LRRK1: variants seen among roughly 807,000 people sequenced by gnomAD.
The protein encoded by LRRK1 is leucine rich repeat kinase 1, also known as leucine-rich repeat serine/threonine-protein kinase 1.
LRRK1 carries 113 observed loss-of-function variants against 209.1 expected under a neutral mutation model. That is an observed-to-expected ratio of 0.54 (90% CI 0.46 to 0.63). LRRK1 has a LOEUF of 0.63. Ranked by LOEUF, LRRK1 falls within the 30% of genes least tolerant of loss-of-function variation. The pLI is 0.00. For missense variants in LRRK1, 2,284 were observed against 2,632.2 expected (o/e 0.87, Z 2.89); for synonymous variants, 1,144 against 1,099.7 (o/e 1.04, Z -0.80).
At chr15:100,946,060 C>T (rs972326290) in intron 2 of LRRK1, among the ~76,000 whole-genome samples, 5 of 152,036 alleles carry the variant, frequency 3.3e-5, no homozygotes, top group African/African-American at 9.7e-5. Flanking sequence ...TATATCAGGC[C>T]TACCTAAGAA....
chr15:100,987,034 T>C (rs2031913238), intron 4 of LRRK1, among the ~76,000 whole-genome samples: 1 of 152,226 alleles, frequency 6.6e-6, no homozygotes, highest in South Asian at 2.1e-4. Flanking sequence ...GTTACTGTGT[T>C]TCTCTTACCC....
chr15:100,956,490 C>A (rs113182050), intron 2 of LRRK1, among the ~76,000 whole-genome samples: 1,737 of 45,950 alleles, frequency 0.038, 51 homozygotes, highest in African/African-American at 0.24. Context: ...GAATCTCACT[C>A]TGTCACCCCC....
intron 20 of LRRK1, among the ~76,000 whole-genome samples, chr15:101,031,052 C>T (rs1319044562): frequency 2.6e-5 from 4 of 152,160 alleles, no homozygotes; most frequent in Admixed American, 1.3e-4. Context: ...AATAGTCTCC[C>T]GTCTCCTCCA....
intron 1 of LRRK1, among the ~76,000 whole-genome samples, chr15:100,922,154 T>A (rs1465979841): frequency 6.6e-6 from 1 of 152,184 alleles, no homozygotes; most frequent in Non-Finnish European, 1.5e-5. Flanking sequence ...CTCTTTAGGG[T>A]GTATAATGAA....
At chr15:100,969,681 T>C (rs1309951675) in intron 2 of LRRK1, among the ~76,000 whole-genome samples, 1 of 152,104 alleles carries the variant, frequency 6.6e-6, no homozygotes, top group Non-Finnish European at 1.5e-5. Context: ...CAGTGTGTGT[T>C]GTTCCCCTCT....
intron 2 of LRRK1, among the ~76,000 whole-genome samples, chr15:100,963,471 G>A (rs1328054250): frequency 6.6e-6 from 1 of 152,124 alleles, no homozygotes; most frequent in Non-Finnish European, 1.5e-5. Flanking sequence ...CCTTCCTAGC[G>A]CTGCTGTAGA....
At chr15:101,014,697 C>T (rs1251685970) in intron 11 of LRRK1, among the ~76,000 whole-genome samples, 1 of 152,206 alleles carries the variant, frequency 6.6e-6, no homozygotes, top group Non-Finnish European at 1.5e-5. Flanking sequence ...GGCCTCTGTT[C>T]ACGTCTGTGA....
At position 101,051,627 on chromosome 15, in the gene LRRK1, A is replaced by G. The variant is rs543182268; in HGVS notation, c.3440-84A>G. 1.4e-5 allele frequency: 22 copies of G among 1,527,484 alleles called. No individual in the cohort carries two copies. In the East Asian group the frequency reaches 4.1e-4, roughly 29 times the overall value. The allele number at this position is 1,527,484 out of a possible 1,614,324, so 94.6% of individuals were successfully genotyped here. ...GCAGCTCCCCTGCTGCGAAGGCCTC[A>G]GGGCCTGGGGTGCAGAGTGCTGCTC... On this transcript the variant is annotated intron_variant, in intron 23 of 33. Coordinates refer to ENST00000388948, the MANE Select transcript of LRRK1 (RefSeq NM_024652.6).
At chr15:101,010,903 C>T in intron 9 of LRRK1, 66 bp downstream of exon 9, 1 of 1,429,204 alleles carries the variant, frequency 7.0e-7, no homozygotes. Flanking sequence ...CCTCAGAGAG[C>T]CCTCAGGTGC....
chr15:100,962,671 G>T (rs1310229694), intron 2 of LRRK1, among the ~76,000 whole-genome samples: 2 of 149,666 alleles, frequency 1.3e-5, no homozygotes, highest in Non-Finnish European at 3.0e-5. Context: ...TCAGGTTCAG[G>T]TTTTACAAAC....
chr15:101,025,935 A>G (rs1300784298), intron 16 of LRRK1, 30 bp from the exon 17 acceptor site: 1 of 1,612,330 alleles, frequency 6.2e-7, no homozygotes, highest in African/African-American at 1.3e-5. Flanking sequence ...GAACAGAGAC[A>G]GTACTCAGCC....
chr15:100,927,284 A>G (rs1268362110), intron 2 of LRRK1, among the ~76,000 whole-genome samples: 1 of 152,204 alleles, frequency 6.6e-6, no homozygotes, highest in African/African-American at 2.4e-5. Context: ...ACAGATAACC[A>G]GAAAATGTTA....
At chr15:100,987,887 G>C (rs532695550) in intron 4 of LRRK1, among the ~76,000 whole-genome samples, 1 of 152,180 alleles carries the variant, frequency 6.6e-6, no homozygotes, top group African/African-American at 2.4e-5. Context: ...GCAGGGGAGA[G>C]CCCAGAGAAA....
At chr15:100,968,914 T>C (rs146872253) in intron 2 of LRRK1, among the ~76,000 whole-genome samples, 1 of 151,814 alleles carries the variant, frequency 6.6e-6, no homozygotes, top group Non-Finnish European at 1.5e-5. Flanking sequence ...TCACAGCTCA[T>C]TGAAGCCTTG....
chr15:100,959,402 G>C (rs146530397), intron 2 of LRRK1, among the ~76,000 whole-genome samples: 1 of 152,194 alleles, frequency 6.6e-6, no homozygotes, highest in Admixed American at 6.5e-5. Context: ...GTCAGACCAC[G>C]TGCAGGCGGA....
At chr15:100,988,603 A>G in intron 4 of LRRK1, 31 bp from the exon 5 acceptor site, 2 of 1,611,788 alleles carry the variant, frequency 1.2e-6, no homozygotes, top group African/African-American at 1.3e-5. Context: ...CTTCAGTGGC[A>G]CTTTCCCTTT....
At chr15:100,941,334 C>A (rs1355639203) in intron 2 of LRRK1, among the ~76,000 whole-genome samples, 2 of 66,202 alleles carry the variant, frequency 3.0e-5, no homozygotes, top group African/African-American at 1.2e-4. Context: ...GTGTCTGTGT[C>A]TCTGTGTGTG....
At position 101,027,430 on chromosome 15, in the gene LRRK1, G is replaced by T. The variant is rs2034085032; in HGVS notation, c.2526+49G>T. ...TAAACCAGTCTGCCTGCTTCCCATTGTTGGGGGTCCTCACTTCCCCCTCTC... is the reference window on the plus strand; with the variant it reads ...TAAACCAGTCTGCCTGCTTCCCATTTTTGGGGGTCCTCACTTCCCCCTCTC... On this transcript the variant is annotated intron_variant, in intron 18 of 33. Transcript: ENST00000388948. The surrounding 1 kb of genome is among the most constrained non-coding windows in gnomAD (Gnocchi z 5.1). 6.3e-7 allele frequency: 1 copy of T among 1,593,568 alleles called. No homozygotes were observed. The highest frequency in any genetic ancestry group is 1.9e-4 in the Middle Eastern group (1 of 5,268).
At chr15:101,052,056 G>T in intron 24 of LRRK1, 96 bp downstream of exon 24, 1 of 1,440,898 alleles carries the variant, frequency 6.9e-7, no homozygotes, top group East Asian at 2.4e-5. Context: ...GACCCCTCTG[G>T]GGCGGGCAGG....
Sources: gnomAD v4.1 joint callset for allele counts (sites outside exome capture counted in the v4.1 genomes callset) on GRCh38, gnomAD v4.1.1 for gene constraint, Gnocchi (gnomAD v3.1) non-coding constraint, MANE v1.5 for transcripts, NCBI Gene and HGNC (gene_info 2026-07-23, HGNC 2026-07-21) for gene names.